Variants in RYR1 observed in about 807,000 individuals in gnomAD.
RYR1 encodes the protein central core disease of muscle.
Under a neutral mutation model 583.5 loss-of-function variants are expected in RYR1, and 342 were observed. The observed-to-expected ratio is 0.59, with a 90% CI of 0.54 to 0.64. RYR1 has a LOEUF of 0.64. Ranked by LOEUF, RYR1 falls within the 30% of genes least tolerant of loss-of-function variation. The pLI is 0.00. For missense variants in RYR1, 6,032 were observed against 6,917.2 expected, an observed-to-expected ratio of 0.87 and a Z score of 4.54; for synonymous variants, 2,791 against 2,822.5, an observed-to-expected ratio of 0.99 and a Z score of 0.35.
At chr19:38,463,341 C>T in intron 20 of RYR1, 82 bp from the exon 21 acceptor site, 3 of 1,203,656 alleles carry the variant, frequency 2.5e-6, no homozygotes, top group Non-Finnish European at 3.6e-6. Flanking sequence ...TCCCAGGGCT[C>T]ACAGGTGTTC....
intron 97 of RYR1, among the ~76,000 whole-genome samples, chr19:38,576,829 G>A (rs1973975980): frequency 6.6e-6 from 1 of 152,106 alleles, no homozygotes; most frequent in South Asian, 2.1e-4. Context: ...AGTTGAAAGA[G>A]AGGAAGTTAG....
chr19:38,468,031 A>G lies in RYR1; in HGVS notation c.3381+219A>G, dbSNP rs368957259. 4 of 559,872 alleles carry G rather than the reference A, an allele frequency of 7.1e-6. No homozygotes were observed. In the South Asian group the frequency reaches 8.1e-5, roughly 11 times the overall value. 34.7% of individuals were successfully genotyped at this position (559,872 alleles called of 1,614,324 possible). The stretch of plus-strand genomic sequence containing the variant: ...CATCTATCCAACCAACAATTCATCC[A>G]TCCATCCATCCATCCATCATCCATC... On this transcript the variant is annotated intron_variant, in intron 25 of 105. Coordinates refer to ENST00000359596, the MANE Select transcript of RYR1 (RefSeq NM_000540.3).
chr19:38,558,791 T>C (rs1039441699), intron 89 of RYR1, among the ~76,000 whole-genome samples: 1 of 146,404 alleles, frequency 6.8e-6, no homozygotes, highest in African/African-American at 2.5e-5. Context: ...AAAATAAAAA[T>C]AATTTTTTAA....
chr19:38,492,627 A>G lies in RYR1; in HGVS notation c.6265A>G (p.Ser2089Gly). ...TGAGGAGGAGCGGTCAGCAGAGGAG[A>G]GCAAACCCCGTGAGGACTGGGGTCA... ...KPEEERSAEE[S>G]KPRSLQELVS... The change falls in exon 38 of 106, where the codon AGC becomes GGC. Residue 2089 changes from serine (S) to glycine (G), a missense_variant. By Grantham distance (56) the Ser-to-Gly change is moderately conservative. Transcript: ENST00000359596. The G allele has an allele frequency of 6.3e-7, 1 of 1,583,688 alleles. No individual in the cohort carries two copies. Among genetic ancestry groups the G allele is most frequent in the Non-Finnish European group, 8.6e-7 (1 of 1,161,900 alleles).
chr19:38,545,044 A>T (rs768645817), intron 87 of RYR1, among the ~76,000 whole-genome samples: 2 of 152,012 alleles, frequency 1.3e-5, no homozygotes, highest in Non-Finnish European at 2.9e-5. Flanking sequence ...CCCTAGAGGG[A>T]AGAGATCTCC....
In RYR1 at chr19:38,517,565, G is replaced by A. The variant is rs544339193; in HGVS notation, c.9892G>A (p.Ala3298Thr). The change falls in exon 66 of 106, where the codon GCC becomes ACC. Residue 3298 changes from alanine to threonine, a missense_variant. Around this residue, in one of 11 missense-constraint regions of RYR1, gnomAD observed 1,493 missense variants for 1,715.5 expected, o/e 0.87. Coordinates refer to ENST00000359596, the MANE Select transcript of RYR1 (RefSeq NM_000540.3). ...CGAGGCACCCCCTTCCGCCCTGCCC[G>A]CCGGCGCCCCCCCACCCTGCACAGC... ...GPEAPPSALP[A>T]GAPPPCTAVT... 2.9e-5 allele frequency: 46 copies of A among 1,612,550 alleles called. No homozygotes were observed. In the South Asian group the frequency reaches 3.2e-4, roughly 11 times the overall value.
chr19:38,507,914 C>T (rs2145644310), intron 58 of RYR1, 87 bp downstream of exon 58: 2 of 798,016 alleles, frequency 2.5e-6, no homozygotes, highest in East Asian at 4.9e-5. Flanking sequence ...CCTGTTCATG[C>T]ACTCAATCCG....
intron 28 of RYR1, among the ~76,000 whole-genome samples, chr19:38,474,817 C>T (rs777747474): frequency 9.9e-5 from 15 of 151,820 alleles, no homozygotes; most frequent in East Asian, 1.9e-4. Flanking sequence ...TCAGGTGATC[C>T]GTACGATGGC....
Position 38,502,741 on chromosome 19 carries a change from G to A in RYR1, c.7835+14G>A. The A allele has an allele frequency of 3.8e-6, 6 of 1,579,424 alleles. No individual in the cohort carries two copies. The highest frequency in any genetic ancestry group is 1.1e-5 in the South Asian group (1 of 88,560). The stretch of plus-strand genomic sequence containing the variant: ...GTCGCTCTGCAGGTGGAGCGGGGCA[G>A]GCTTCAGGGTGGGGCAGGGGCAGGG... On this transcript the variant is annotated intron_variant, in intron 48 of 105. Transcript: ENST00000359596.
At chr19:38,448,045 T>C (rs553384549) in intron 9 of RYR1, among the ~76,000 whole-genome samples, 10 of 151,476 alleles carry the variant, frequency 6.6e-5, no homozygotes, top group East Asian at 3.9e-4. Context: ...TGAGAGAGGA[T>C]TGGGGTTCCT....
rs763466452 is a variant in RYR1, at chr19:38,577,934, G to T, written c.14189G>T (p.Gly4730Val). The change falls in exon 98 of 106, where the codon GGG (glycine) becomes GTG (valine). Residue 4730 changes from glycine to valine, a missense_variant. Coordinates refer to ENST00000359596, the MANE Select transcript of RYR1 (RefSeq NM_000540.3). ...CTTGTGCAGGTCCTGGACAAACATGGGGACATCTACGGGCGGGAGCGGATT... is the reference window on the plus strand; with the variant it reads ...CTTGTGCAGGTCCTGGACAAACATGTGGACATCTACGGGCGGGAGCGGATT... ...FVKRKVLDKH[G>V]DIYGRERIAE... 4 of 1,614,102 alleles carry T rather than the reference G, an allele frequency of 2.5e-6. No individual in the cohort carries two copies.
chr19:38,442,473 G>T lies in RYR1; in HGVS notation c.270+20G>T, dbSNP rs768522030. The T allele has an allele frequency of 2.5e-6, 4 of 1,590,482 alleles. No individual in the cohort carries two copies. Among genetic ancestry groups the T allele is most frequent in the East Asian group, 4.5e-5 (2 of 44,748 alleles). On this transcript the variant is annotated intron_variant, in intron 3 of 105. Coordinates refer to ENST00000359596, the MANE Select transcript of RYR1 (RefSeq NM_000540.3). Reference sequence around the variant, plus strand: ...GTGGAGGTGAGGACCCCACCTGGGGGTGGGCGGGGTGGCAGAGATGGGCGA... The same window carrying T: ...GTGGAGGTGAGGACCCCACCTGGGGTTGGGCGGGGTGGCAGAGATGGGCGA...
At chr19:38,452,005 T>C in intron 12 of RYR1, 120 bp downstream of exon 12, 1 of 1,405,316 alleles carries the variant, frequency 7.1e-7, no homozygotes, top group South Asian at 1.2e-5. Flanking sequence ...AACATATACA[T>C]GGGCCAAGCG....
chr19:38,586,498 T>G, intron 104 of RYR1, 27 bp from the exon 105 acceptor site: 2 of 1,609,820 alleles, frequency 1.2e-6, no homozygotes, highest in Non-Finnish European at 1.7e-6. Flanking sequence ...GGTTCTGACT[T>G]GTCTCCTGTG....
intron 20 of RYR1, among the ~76,000 whole-genome samples, chr19:38,462,165 C>T (rs924022737): frequency 3.3e-5 from 5 of 152,200 alleles, no homozygotes; most frequent in Admixed American, 6.5e-5. Flanking sequence ...GGTTTTCAGT[C>T]ACGTGATCTT....
intron 39 of RYR1, among the ~76,000 whole-genome samples, chr19:38,495,890 G>A (rs1023423632): frequency 3.3e-5 from 5 of 152,120 alleles, no homozygotes; most frequent in African/African-American, 7.2e-5. Flanking sequence ...AGCCTCCTGC[G>A]TAGCTGGGAT....
At chr19:38,497,901 C>T (rs796655622) in intron 42 of RYR1, among the ~76,000 whole-genome samples, 8 of 151,970 alleles carry the variant, frequency 5.3e-5, no homozygotes, top group South Asian at 2.1e-4. Flanking sequence ...ATAGAGCCTG[C>T]GAGGCTGAGG....
intron 84 of RYR1, among the ~76,000 whole-genome samples, chr19:38,539,010 G>A (rs536238377): frequency 3.9e-5 from 6 of 152,238 alleles, no homozygotes; most frequent in South Asian, 2.1e-4. Context: ...ATCAACTTTC[G>A]TGACAAGAAT....
At chr19:38,510,877 A>G in intron 60 of RYR1, 96 bp downstream of exon 60, 2 of 1,560,070 alleles carry the variant, frequency 1.3e-6, no homozygotes, top group Admixed American at 1.7e-5. Context: ...GGTGTTGGGT[A>G]CTGACCGTCT....
Sources: allele counts gnomAD v4.1 joint callset (sites outside exome capture counted in the v4.1 genomes callset), GRCh38; gene constraint gnomAD v4.1.1; regional missense constraint gnomAD v4.1.1; transcripts MANE v1.5; gene names NCBI Gene and HGNC (gene_info 2026-07-23, HGNC 2026-07-21).